Variants in MRNIP observed in about 807,000 individuals in gnomAD.
MRNIP encodes MRN complex-interacting protein.
MRNIP carries 30 observed loss-of-function variants against 29.8 expected under a neutral mutation model. The ratio of observed to expected loss-of-function variants is 1.01; its 90% CI spans 0.75 to 1.36. MRNIP has a LOEUF of 1.36. Among genes scored for constraint, MRNIP ranks in the 40% most tolerant of loss-of-function variants. The pLI is 0.00. For missense variants in MRNIP, 459 were observed against 423.5 expected (o/e 1.08, Z -0.74); for synonymous variants, 201 against 164.1 (o/e 1.23, Z -1.72).
At chr5:179,851,130 A>G (rs1464417956) in intron 2 of MRNIP, 2 of 439,472 alleles carry the variant, frequency 4.6e-6, no homozygotes, top group Non-Finnish European at 4.6e-6. Context: ...CATACACCAC[A>G]TACCACACAC....
intron 1 of MRNIP, among the ~76,000 whole-genome samples, chr5:179,854,402 C>T (rs915719058): frequency 6.6e-6 from 1 of 152,208 alleles, no homozygotes; most frequent in African/African-American, 2.4e-5. Context: ...GTATCATAAT[C>T]ATAAAGGTGG....
At chr5:179,846,370 G>C (rs895604704) in intron 3 of MRNIP, among the ~76,000 whole-genome samples, 24 of 151,282 alleles carry the variant, frequency 1.6e-4, no homozygotes, top group Non-Finnish European at 3.1e-4. Context: ...TGCAGCCTCC[G>C]CCTCCCAGAT....
chr5:179,840,882 C>T lies in MRNIP; in HGVS notation c.527G>A (p.Gly176Glu). ...QDSGGSEVAW[G>E]PQKGQAGLTW... Reference sequence around the variant, plus strand: ...CTGTTTGTCACTGACCTTCTGGGGTCCCCAGGCGACCTCAGAGCCACCCGA... The same window carrying T: ...CTGTTTGTCACTGACCTTCTGGGGTTCCCAGGCGACCTCAGAGCCACCCGA... The change falls in exon 6 of 7, where the codon GGA (glycine) becomes GAA (glutamate). Residue 176 changes from glycine to glutamate, a missense_variant. Physicochemically the swap from Gly to Glu is moderately conservative, Grantham distance 98. Transcript: ENST00000292586. 4 of 1,609,732 alleles carry T rather than the reference C, an allele frequency of 2.5e-6. No individual in the cohort carries two copies. In the South Asian group the frequency reaches 4.4e-5, roughly 18 times the overall value.
chr5:179,844,180 T>C lies in MRNIP; in HGVS notation c.263A>G (p.His88Arg), dbSNP rs1007235884. 6.2e-7 allele frequency: 1 copy of C among 1,614,148 alleles called. No homozygotes were observed. Among genetic ancestry groups the C allele is most frequent in the Admixed American group, 1.7e-5 (1 of 60,020 alleles). The change falls in exon 4 of 7, where the codon CAC becomes CGC. Residue 88 changes from histidine to arginine, a missense_variant. By Grantham distance (29) the His-to-Arg change is conservative. Coordinates refer to ENST00000292586, the MANE Select transcript of MRNIP (RefSeq NM_016175.4). ...VSASEEENVG[H>R]QQAGNVKQQE... The stretch of plus-strand genomic sequence containing the variant: ...CTGCTTCACATTCCCAGCCTGCTGG[T>C]GTCCCACGTTTTCTTCTTCACTGGC...
At chr5:179,853,139 T>G in intron 2 of MRNIP, 1 of 1,201,064 alleles carries the variant, frequency 8.3e-7, no homozygotes, top group South Asian at 1.4e-5. Flanking sequence ...CCCCTTGTGC[T>G]TGGCACACAG....
chr5:179,857,051 C>A (rs1759613501), intron 1 of MRNIP, among the ~76,000 whole-genome samples: 1 of 152,148 alleles, frequency 6.6e-6, no homozygotes, highest in Non-Finnish European at 1.5e-5. Flanking sequence ...GTTACCACTG[C>A]ACTCCAATCT....
chr5:179,857,510 T>C (rs1759643950), intron 1 of MRNIP, among the ~76,000 whole-genome samples: 2 of 152,058 alleles, frequency 1.3e-5, no homozygotes, highest in Non-Finnish European at 2.9e-5. Context: ...AATTTGTTTT[T>C]AAAAAACAGC....
In MRNIP at chr5:179,853,429, C is replaced by CT. The variant is rs767499475; in HGVS notation, c.74dup (p.Ser26GlufsTer21). On this transcript the variant is annotated frameshift_variant, in exon 2 of 7. Coordinates refer to ENST00000292586, the MANE Select transcript of MRNIP (RefSeq NM_016175.4). LOFTEE classifies it high-confidence loss of function. ...AAGCTTTGCATGTCCACTTGACACT[C>CT]TTTTTTACCTGCAATGAAATTTCAG... is the stretch of plus-strand genomic sequence containing the variant. The CT allele has an allele frequency of 2.5e-6, 4 of 1,609,536 alleles. No individual in the cohort carries two copies. Among genetic ancestry groups the CT allele is most frequent in the Non-Finnish European group, 2.5e-6 (3 of 1,177,816 alleles).
intron 4 of MRNIP, among the ~76,000 whole-genome samples, chr5:179,843,075 G>GAGGGAGGGAGGC (rs1758980712): frequency 1.5e-5 from 2 of 129,668 alleles, no homozygotes; most frequent in African/African-American, 5.3e-5. Context: ...GGGAGGGAGG[G>GAGGGAGGGAGGC]AGGGAGGCAG....
intron 1 of MRNIP, 86 bp from the exon 2 acceptor site, chr5:179,853,523 T>TC (rs1269129802): frequency 1.7e-6 from 2 of 1,148,928 alleles, no homozygotes; most frequent in Non-Finnish European, 2.5e-6. Flanking sequence ...ATGCCTGTAA[T>TC]CCCCCTTTGG....
chr5:179,858,664 A>G, intron 1 of MRNIP, 67 bp downstream of exon 1: 1 of 1,071,126 alleles, frequency 9.3e-7, no homozygotes, highest in Non-Finnish European at 1.3e-6. Context: ...CAACACCCAC[A>G]GCCCCGCCAC....
At position 179,837,475 on chromosome 5, in the gene MRNIP, G is replaced by A. The variant is rs781637325; in HGVS notation, c.948C>T (p.Pro316=). 1.6e-5 allele frequency: 26 copies of A among 1,613,564 alleles called. 1 individual carries two copies. In the Middle Eastern group the frequency reaches 8.2e-4, roughly 51 times the overall value. ...DARTPWAEGG[P]LVLEAQNPRP... ...GAGGATTCTGTGCCTCCAGGACCAGGGGCCCACCCTCTGCCCAGGGAGTCC... is the reference window on the plus strand; with the variant it reads ...GAGGATTCTGTGCCTCCAGGACCAGAGGCCCACCCTCTGCCCAGGGAGTCC... The change falls in exon 7 of 7, where the codon CCC becomes CCT. Residue 316 remains proline, a synonymous_variant. Coordinates refer to ENST00000292586, the MANE Select transcript of MRNIP (RefSeq NM_016175.4).
chr5:179,844,267 CA>C, intron 3 of MRNIP, 40 bp from the exon 4 acceptor site: 1 of 1,560,890 alleles, frequency 6.4e-7, no homozygotes, highest in South Asian at 1.1e-5. Flanking sequence ...GAAAAATGAC[CA>C]GGGGCTGGGC....
Position 179,837,395 on chromosome 5 carries a change from A to G in MRNIP, c.1028T>C (p.Val343Ala), listed in dbSNP as rs776303445. The G allele has an allele frequency of 1.9e-6, 3 of 1,589,640 alleles. No individual in the cohort carries two copies. The highest frequency in any genetic ancestry group is 1.7e-6 in the Non-Finnish European group (2 of 1,166,192). Residue 343 changes from valine (V) to alanine (A), a missense_variant, in exon 7 of 7, where the codon GTG becomes GCG. Transcript: ENST00000292586. Reference sequence around the variant, plus strand: ...TAATAACCTGCCAGTCCCAGATCACACATCATCATCGAAGTCTTCCCCAGT... The same window carrying G: ...TAATAACCTGCCAGTCCCAGATCACGCATCATCATCGAAGTCTTCCCCAGT... ...FITGEDFDDD[V>A]
chr5:179,837,795 C>T lies in MRNIP; in HGVS notation c.628G>A (p.Gly210Ser), dbSNP rs1483703474. The T allele has an allele frequency of 1.9e-6, 3 of 1,614,040 alleles. No individual in the cohort carries two copies. Among genetic ancestry groups the T allele is most frequent in the Non-Finnish European group, 2.5e-6 (3 of 1,180,034 alleles). Residue 210 changes from glycine to serine, a missense_variant, in exon 7 of 7, where the codon GGT becomes AGT. Gly to Ser is a moderately conservative substitution (Grantham distance 56). Coordinates refer to ENST00000292586, the MANE Select transcript of MRNIP (RefSeq NM_016175.4). The part of the protein sequence containing the change: ...SADCSAGELR[G>S]PGKELWSPIQ... ...GGACTCCATAGCTCCTTCCCAGGAC[C>T]CCTCAGCTCCCCGGCACTGCAGTCT...
chr5:179,848,063 A>T lies in MRNIP; in HGVS notation c.130T>A (p.Tyr44Asn). 6.2e-7 allele frequency: 1 copy of T among 1,613,462 alleles called. No homozygotes were observed. The highest frequency in any genetic ancestry group is 8.5e-7 in the Non-Finnish European group (1 of 1,179,382). ...CAATCAGCACCAGAGCCTTCACCATAAGCCTGAGAAACCAAAAAATATATT... is the reference window on the plus strand; with the variant it reads ...CAATCAGCACCAGAGCCTTCACCATTAGCCTGAGAAACCAAAAAATATATT... ...CGEKQSFLQA[Y>N]GEGSGADCRR... Residue 44 changes from tyrosine to asparagine, a missense_variant, in exon 3 of 7, where the codon TAT becomes AAT. Physicochemically the swap from Tyr to Asn is moderately radical, Grantham distance 143 (BLOSUM62 -2). Coordinates refer to ENST00000292586, the MANE Select transcript of MRNIP (RefSeq NM_016175.4).
chr5:179,847,854 C>G (rs1037732623), intron 3 of MRNIP, 124 bp downstream of exon 3: 16 of 688,210 alleles, frequency 2.3e-5, no homozygotes, highest in Non-Finnish European at 3.3e-5. Context: ...AAAGTGACAG[C>G]AGGGACCTGG....
Position 179,844,194 on chromosome 5 carries a change from T to C in MRNIP, c.249A>G (p.Glu83=). The part of the protein sequence containing the change: ...SLEETVSASE[E]ENVGHQQAGN... The stretch of plus-strand genomic sequence containing the variant: ...CAGCCTGCTGGTGTCCCACGTTTTC[T>C]TCTTCACTGGCACTGACAGTTTCTT... The change falls in exon 4 of 7, where the codon GAA becomes GAG. Residue 83 remains glutamate, a synonymous_variant. Coordinates refer to ENST00000292586, the MANE Select transcript of MRNIP (RefSeq NM_016175.4). The C allele has an allele frequency of 6.2e-7, 1 of 1,614,182 alleles. No homozygotes were observed. Among genetic ancestry groups the C allele is most frequent in the Non-Finnish European group, 8.5e-7 (1 of 1,180,024 alleles).
Position 179,837,814 on chromosome 5 carries a change from G to A in MRNIP, c.609C>T (p.Cys203=). 6.2e-7 allele frequency: 1 copy of A among 1,613,526 alleles called. No individual in the cohort carries two copies. Among genetic ancestry groups the A allele is most frequent in the Non-Finnish European group, 8.5e-7 (1 of 1,180,020 alleles). ...CAGGACCCCTCAGCTCCCCGGCACT[G>A]CAGTCTGCAGAGTTCTCCTGGAGGC... ...SPCLQENSAD[C]SAGELRGPGK... The change falls in exon 7 of 7, where the codon TGC becomes TGT. Residue 203 remains cysteine (C), a synonymous_variant. Transcript: ENST00000292586.
Sources: gnomAD v4.1 joint callset for allele counts (sites outside exome capture counted in the v4.1 genomes callset) on GRCh38, gnomAD v4.1.1 for gene constraint, MANE v1.5 for transcripts, NCBI Gene and HGNC (gene_info 2026-07-23, HGNC 2026-07-21) for gene names.